Variants in PROM1 observed in about 807,000 individuals in gnomAD.
PROM1 encodes prominin-1.
A neutral mutation model predicts 116.9 loss-of-function variants in PROM1; 105 were observed. The observed-to-expected ratio is 0.90, with a 90% CI of 0.77 to 1.06. The LOEUF (loss-of-function observed/expected upper bound fraction) is 1.06. Ranked by LOEUF, PROM1 falls within the 50% of genes least tolerant of loss-of-function variation. The pLI, the probability that PROM1 is intolerant of heterozygous loss-of-function variation, is 0.00. For synonymous variants in PROM1, 393 were observed against 387.0 expected (o/e 1.02, Z -0.18); for missense variants, 1,122 against 1,045.2 (o/e 1.07, Z -1.01).
At chr4:16,003,777 T>C (rs1462997185) in intron 13 of PROM1, among the ~76,000 whole-genome samples, 5 of 152,192 alleles carry the variant, frequency 3.3e-5, no homozygotes, top group African/African-American at 4.8e-5. Context: ...AAAGCAAGAC[T>C]GTCTCCACAA....
chr4:15,998,297 T>C, intron 15 of PROM1, 88 bp downstream of exon 15: 1 of 1,443,156 alleles, frequency 6.9e-7, no homozygotes, highest in Non-Finnish European at 9.1e-7. Context: ...GTCATATAAT[T>C]AAGATTTAAA....
At chr4:15,988,266 A>G (rs748504267) in intron 19 of PROM1, among the ~76,000 whole-genome samples, 1 of 152,188 alleles carries the variant, frequency 6.6e-6, no homozygotes, top group Non-Finnish European at 1.5e-5. Flanking sequence ...AGCAAATCAC[A>G]TGTGAGGCAT....
At chr4:16,057,361 A>G (rs991846874) in intron 2 of PROM1, among the ~76,000 whole-genome samples, 2 of 152,240 alleles carry the variant, frequency 1.3e-5, no homozygotes, top group African/African-American at 2.4e-5. Flanking sequence ...CTTCATCTCA[A>G]TTAGTAAACA....
chr4:16,056,581 G>C (rs907525165), intron 2 of PROM1, among the ~76,000 whole-genome samples: 2 of 151,912 alleles, frequency 1.3e-5, no homozygotes, highest in Admixed American at 6.6e-5. Flanking sequence ...AAGGTGAGGG[G>C]TGTTGGGGTG....
chr4:15,972,777 T>A (rs192339942), intron 26 of PROM1, among the ~76,000 whole-genome samples: 1 of 152,280 alleles, frequency 6.6e-6, no homozygotes, highest in East Asian at 1.9e-4. Context: ...AGAAGGCCAA[T>A]ACATGACATC....
chr4:15,985,977 T>C lies in PROM1; in HGVS notation c.2191A>G (p.Thr731Ala). The C allele has an allele frequency of 6.4e-7, 1 of 1,573,934 alleles. No homozygotes were observed. The highest frequency in any genetic ancestry group is 8.7e-7 in the Non-Finnish European group (1 of 1,152,090). Residue 731 changes from threonine to alanine, a missense_variant, in exon 21 of 28, where the codon ACT becomes GCT. Physicochemically the swap from Thr to Ala is moderately conservative, Grantham distance 58. Coordinates refer to ENST00000447510, the MANE Select transcript of PROM1 (RefSeq NM_006017.3). ...DFAQNFITNN[T>A]SSVIIEETKK... Reference sequence around the variant, plus strand: ...CTCACCTCAATAATAACAGAGGAAGTATTGTTTGTGATGAAGTTCTGAGCA... The same window carrying C: ...CTCACCTCAATAATAACAGAGGAAGCATTGTTTGTGATGAAGTTCTGAGCA...
chr4:15,985,304 G>C (rs1043972789), intron 22 of PROM1, among the ~76,000 whole-genome samples: 2 of 152,102 alleles, frequency 1.3e-5, no homozygotes, highest in African/African-American at 4.8e-5. Context: ...ATCTGCAGGG[G>C]ACTCTGGAAC....
chr4:16,029,451 T>TAAGACACATCTG lies in PROM1; in HGVS notation c.509+3841_509+3852dup, dbSNP rs1423319989. ...AGAAGAAAGTTGGCTTTTTCTGGAGTAAGACACATCTGCTTAACAGTCTAC... is the reference window on the plus strand; with the variant it reads ...AGAAGAAAGTTGGCTTTTTCTGGAGTAAGACACATCTGAAGACACATCTGCTTAACAGTCTAC... On this transcript the variant is annotated intron_variant, in intron 5 of 27. Coordinates refer to ENST00000447510, the MANE Select transcript of PROM1 (RefSeq NM_006017.3). Among the ~76,000 whole-genome samples the TAAGACACATCTG allele has an allele frequency of 2.0e-5, 3 of 151,708 alleles. No homozygotes were observed. The East Asian group carries it at 5.8e-4, about 30-fold the overall frequency.
chr4:15,979,517 T>A, intron 25 of PROM1, 54 bp from the exon 26 acceptor site: 1 of 1,551,918 alleles, frequency 6.4e-7, no homozygotes. Context: ...AGATGAAGTA[T>A]TTACATCATG....
At chr4:16,060,122 G>T (rs1262517140) in intron 2 of PROM1, among the ~76,000 whole-genome samples, 2 of 152,074 alleles carry the variant, frequency 1.3e-5, no homozygotes, top group Middle Eastern at 3.2e-3. Flanking sequence ...GGGAGGCGGG[G>T]GGCTGAGAAT....
chr4:16,029,625 C>T (rs1003278130), intron 5 of PROM1, among the ~76,000 whole-genome samples: 5 of 152,158 alleles, frequency 3.3e-5, no homozygotes, highest in African/African-American at 1.2e-4. Flanking sequence ...TCTGCTAGGG[C>T]ATCTTTCTCC....
rs1036381531 is a variant in PROM1 at position 16,035,730 on chromosome 4, T to C, written c.303+5A>G. On this transcript the variant is annotated splice_donor_5th_base_variant and intron_variant, in intron 4 of 27. Coordinates refer to ENST00000447510, the MANE Select transcript of PROM1 (RefSeq NM_006017.3). ...GCAACTTGAAATAGCAGACAAGGAC[T>C]TTACCTTTAGACCTAAGATTACAGT... 1 of 1,612,552 alleles carries C rather than the reference T, an allele frequency of 6.2e-7. No individual in the cohort carries two copies. The highest frequency in any genetic ancestry group is 8.5e-7 in the Non-Finnish European group (1 of 1,178,726).
chr4:16,025,619 T>C (rs1731058825), intron 5 of PROM1, among the ~76,000 whole-genome samples: 1 of 152,226 alleles, frequency 6.6e-6, no homozygotes, highest in Admixed American at 6.5e-5. Flanking sequence ...AAAAAGGTTA[T>C]AAGGCAGCAT....
intron 1 of PROM1, among the ~76,000 whole-genome samples, chr4:16,081,766 C>T (rs1306644815): frequency 2.0e-5 from 3 of 152,154 alleles, no homozygotes; most frequent in Non-Finnish European, 4.4e-5. Context: ...TTCAGCTTGT[C>T]CTCTGATGCA....
intron 8 of PROM1, among the ~76,000 whole-genome samples, chr4:16,021,202 CA>C (rs66861725): frequency 0.9 from 135,667 of 151,014 alleles, 61,198 homozygotes; most frequent in Middle Eastern, 0.95. Context: ...ATTAAAAAAA[CA>C]AAAAAAAAGA....
At chr4:16,081,602 A>T (rs1422308376) in intron 1 of PROM1, among the ~76,000 whole-genome samples, 1 of 152,204 alleles carries the variant, frequency 6.6e-6, no homozygotes, top group African/African-American at 2.4e-5. Context: ...TACAGAATCC[A>T]AGAAGTCCTT....
intron 2 of PROM1, among the ~76,000 whole-genome samples, chr4:16,053,469 GGAAA>G (rs1738317012): frequency 6.6e-6 from 1 of 152,134 alleles, no homozygotes. Context: ...TTCAAGGGAA[GGAAA>G]GAAACAGTAA....
intron 26 of PROM1, 80 bp downstream of exon 26, chr4:15,979,315 T>C: frequency 6.2e-7 from 1 of 1,601,676 alleles, no homozygotes; most frequent in South Asian, 1.1e-5. Flanking sequence ...ATCAGCAGCA[T>C]GCAGAAAATT....
At chr4:15,989,590 G>C (rs895152241) in intron 19 of PROM1, 142 bp downstream of exon 19, 2 of 722,248 alleles carry the variant, frequency 2.8e-6, no homozygotes, top group Non-Finnish European at 5.0e-6. Flanking sequence ...TTGTCTAAAG[G>C]CCAGCTCAAC....
Sources: allele counts gnomAD v4.1 joint callset (sites outside exome capture counted in the v4.1 genomes callset), GRCh38; gene constraint gnomAD v4.1.1; transcripts MANE v1.5; gene names NCBI Gene and HGNC (gene_info 2026-07-23, HGNC 2026-07-21).